CCDC178: variants seen among roughly 807,000 people sequenced by gnomAD.
CCDC178 encodes the protein coiled-coil domain containing 178, also known as coiled-coil domain-containing protein 178.
CCDC178 carries 126 observed loss-of-function variants against 117.4 expected under a neutral mutation model. The observed-to-expected ratio is 1.07, with a 90% CI of 0.93 to 1.24. The LOEUF is 1.24. CCDC178 is among the 50% of genes most tolerant of loss of function. The pLI is 0.00. For missense variants in CCDC178, 1,030 were observed against 986.9 expected, an observed-to-expected ratio of 1.04 and a Z score of -0.59; for synonymous variants, 283 against 313.4, an observed-to-expected ratio of 0.90 and a Z score of 1.02.
intron 11 of CCDC178, among the ~76,000 whole-genome samples, chr18:33,315,797 C>A (rs1320515269): frequency 6.6e-6 from 1 of 152,198 alleles, no homozygotes; most frequent in Non-Finnish European, 1.5e-5. Context: ...ATAATGTTTA[C>A]TAAACAGACC....
At chr18:33,132,007 G>A (rs1462487808) in intron 20 of CCDC178, among the ~76,000 whole-genome samples, 1 of 150,382 alleles carries the variant, frequency 6.6e-6, no homozygotes, top group African/African-American at 2.4e-5. Context: ...TTTTTTTGGT[G>A]CTACTCATGT....
At chr18:32,997,453 T>C (rs7233157) in intron 21 of CCDC178, among the ~76,000 whole-genome samples, 22,359 of 152,172 alleles carry the variant, frequency 0.15, 2,366 homozygotes, top group African/African-American at 0.3. Context: ...AGCAGATAGC[T>C]TTCAGGGTCA....
chr18:32,937,904 T>C lies in CCDC178; in HGVS notation c.*107A>G, dbSNP rs1675114804. Reference sequence around the variant, plus strand: ...GGGAGGTGAGTGAGTTTTTCGTTCATGGAAGTGTGAAATGGCAAACAGGTG... The same window carrying C: ...GGGAGGTGAGTGAGTTTTTCGTTCACGGAAGTGTGAAATGGCAAACAGGTG... On this transcript the variant is annotated 3_prime_UTR_variant, in exon 23 of 23. Transcript: ENST00000383096. The C allele has an allele frequency of 7.2e-6, 6 of 837,246 alleles. No homozygotes were observed. The highest frequency in any genetic ancestry group is 6.8e-5 in the African/African-American group (4 of 58,884). 51.9% of individuals were successfully genotyped at this position (837,246 alleles called of 1,614,324 possible).
chr18:33,268,068 A>C (rs1433643247), intron 12 of CCDC178, among the ~76,000 whole-genome samples: 1 of 151,852 alleles, frequency 6.6e-6, no homozygotes, highest in Non-Finnish European at 1.5e-5. Context: ...AAAATGGTTT[A>C]ATAGACTATA....
At chr18:33,128,787 A>G (rs1033000143) in intron 20 of CCDC178, among the ~76,000 whole-genome samples, 1 of 152,120 alleles carries the variant, frequency 6.6e-6, no homozygotes, top group South Asian at 2.1e-4. Flanking sequence ...GCATCACATA[A>G]TCTGTCACTG....
At position 33,403,121 on chromosome 18, in the gene CCDC178, C is replaced by T. The variant is rs191277528; in HGVS notation, c.59-5913G>A. Among the ~76,000 whole-genome samples the T allele has an allele frequency of 4.6e-5, 7 of 152,310 alleles. No homozygotes were observed. The East Asian group carries it at 1.2e-3, about 25-fold the overall frequency. ...CCATGAAAGCCCTAATCTCTCACCT[C>T]TGGTTGACCTTGAGACTCTGCATGT... On this transcript the variant is annotated intron_variant, in intron 3 of 22. Coordinates refer to ENST00000383096, the MANE Select transcript of CCDC178 (RefSeq NM_001105528.4).
At chr18:33,363,116 A>AT (rs1480269665) in intron 6 of CCDC178, among the ~76,000 whole-genome samples, 1 of 152,038 alleles carries the variant, frequency 6.6e-6, no homozygotes, top group African/African-American at 2.4e-5. Context: ...TTCTAAAAAA[A>AT]TTTTATTTAA....
chr18:33,032,447 G>T (rs903704768), intron 21 of CCDC178, among the ~76,000 whole-genome samples: 1 of 152,082 alleles, frequency 6.6e-6, no homozygotes, highest in Non-Finnish European at 1.5e-5. Context: ...ACACAGGATG[G>T]GTTCTCAAGA....
At chr18:33,239,090 C>T (rs539923273) in intron 15 of CCDC178, among the ~76,000 whole-genome samples, 1 of 152,148 alleles carries the variant, frequency 6.6e-6, no homozygotes, top group African/African-American at 2.4e-5. Context: ...AAATTCATCA[C>T]CACTAAATAG....
intron 21 of CCDC178, 52 bp from the exon 22 acceptor site, chr18:32,974,733 T>C: frequency 6.4e-7 from 1 of 1,568,638 alleles, no homozygotes; most frequent in Non-Finnish European, 8.7e-7. Flanking sequence ...GAGAGGAAAT[T>C]AATGGCAGTG....
intron 4 of CCDC178, among the ~76,000 whole-genome samples, chr18:33,394,424 G>A (rs182715994): frequency 6.6e-6 from 1 of 152,020 alleles, no homozygotes; most frequent in Non-Finnish European, 1.5e-5. Flanking sequence ...TTTAAACTTT[G>A]TGTCTAGTTC....
chr18:33,350,857 G>A (rs780933921), intron 7 of CCDC178, among the ~76,000 whole-genome samples: 9 of 151,886 alleles, frequency 5.9e-5, no homozygotes, highest in East Asian at 1.9e-4. Flanking sequence ...ACTGTTTCTC[G>A]GTATCTAAAC....
intron 12 of CCDC178, among the ~76,000 whole-genome samples, chr18:33,283,892 G>A (rs62325590): frequency 6.6e-6 from 1 of 151,168 alleles, no homozygotes; most frequent in Non-Finnish European, 1.5e-5. Flanking sequence ...CAATCTGGCA[G>A]TCCCATTACT....
chr18:32,950,403 C>G (rs2054454126), intron 22 of CCDC178, among the ~76,000 whole-genome samples: 1 of 152,136 alleles, frequency 6.6e-6, no homozygotes, highest in African/African-American at 2.4e-5. Flanking sequence ...TGGGATCACT[C>G]ATTTCTTAAC....
chr18:33,258,701 C>A (rs548775891), intron 14 of CCDC178, among the ~76,000 whole-genome samples: 1 of 152,266 alleles, frequency 6.6e-6, no homozygotes, highest in East Asian at 1.9e-4. Flanking sequence ...CACTCACACA[C>A]CTGCTTTTTA....
At chr18:33,183,380 TG>T (rs34801935) in intron 20 of CCDC178, among the ~76,000 whole-genome samples, 152,102 of 152,102 alleles carry the variant, frequency 1, 76,051 homozygotes, top group Non-Finnish European at 1. Flanking sequence ...ATATACCACA[TG>T]GGAGATTTCA....
At chr18:33,298,923 G>A (rs1037423169) in intron 11 of CCDC178, among the ~76,000 whole-genome samples, 6 of 151,784 alleles carry the variant, frequency 4.0e-5, no homozygotes, top group Non-Finnish European at 7.4e-5. Flanking sequence ...TAACCAAGGA[G>A]GTCAAAGACC....
At chr18:33,311,912 A>T (rs1157685100) in intron 11 of CCDC178, among the ~76,000 whole-genome samples, 2 of 152,192 alleles carry the variant, frequency 1.3e-5, no homozygotes, top group Admixed American at 6.5e-5. Context: ...GTGTGAAGGA[A>T]GACAAAAGAC....
chr18:33,238,398 A>G (rs947902443), intron 15 of CCDC178, among the ~76,000 whole-genome samples: 2 of 152,164 alleles, frequency 1.3e-5, no homozygotes, highest in Non-Finnish European at 2.9e-5. Context: ...ATAGTTCAAT[A>G]AAATCAGGAA....
Sources: allele counts gnomAD v4.1 joint callset (sites outside exome capture counted in the v4.1 genomes callset), GRCh38; gene constraint gnomAD v4.1.1; transcripts MANE v1.5; gene names NCBI Gene and HGNC (gene_info 2026-07-23, HGNC 2026-07-21).